SOS2: variants seen among roughly 807,000 people sequenced by gnomAD.
SOS2 encodes son of sevenless homolog 2.
In SOS2, 65 loss-of-function variants were observed where a neutral mutation model predicts 148.2. That is an observed-to-expected ratio of 0.44 (90% CI 0.36 to 0.54). The LOEUF is 0.54. Ranked by LOEUF, SOS2 falls within the 20% of genes least tolerant of loss-of-function variation. The probability of loss-of-function intolerance (pLI) is 0.00; values close to 1 mark genes in which losing one functional copy is unlikely to be tolerated. For synonymous variants in SOS2, 539 were observed against 537.1 expected, an observed-to-expected ratio of 1.00 and a Z score of -0.05; for missense variants, 1,341 against 1,590.2, an observed-to-expected ratio of 0.84 and a Z score of 2.67.
At chr14:50,120,478 C>A in intron 21 of SOS2, 94 bp from the exon 22 acceptor site, 1 of 674,632 alleles carries the variant, frequency 1.5e-6, no homozygotes, top group South Asian at 1.7e-5. Flanking sequence ...TGGCATTTGT[C>A]AGACTGTATC....
At chr14:50,175,297 G>A (rs1273129182) in intron 7 of SOS2, among the ~76,000 whole-genome samples, 1 of 151,852 alleles carries the variant, frequency 6.6e-6, no homozygotes, top group African/African-American at 2.4e-5. Flanking sequence ...TTAATTCTTA[G>A]ACAGATAGAT....
intron 8 of SOS2, among the ~76,000 whole-genome samples, chr14:50,169,987 G>GTTT (rs1826846564): frequency 6.6e-6 from 1 of 151,772 alleles, no homozygotes; most frequent in Non-Finnish European, 1.5e-5. Flanking sequence ...GTGTACTGAC[G>GTTT]TAAACATGGC....
intron 16 of SOS2, among the ~76,000 whole-genome samples, chr14:50,144,816 T>C (rs936909160): frequency 2.8e-4 from 43 of 152,310 alleles, no homozygotes; most frequent in African/African-American, 9.6e-4. Context: ...ATTACTTGTA[T>C]TTTTATATTT....
At chr14:50,202,325 T>A (rs532242177) in intron 2 of SOS2, among the ~76,000 whole-genome samples, 6 of 152,342 alleles carry the variant, frequency 3.9e-5, no homozygotes, top group African/African-American at 1.2e-4. Flanking sequence ...ACTACTGAGA[T>A]CTGAATTAAA....
chr14:50,177,804 T>C (rs1301323385), intron 7 of SOS2, among the ~76,000 whole-genome samples: 1 of 152,140 alleles, frequency 6.6e-6, no homozygotes, highest in Non-Finnish European at 1.5e-5. Flanking sequence ...GAGAAGATGG[T>C]AAGTTCAGTT....
chr14:50,204,508 C>T, intron 1 of SOS2, 99 bp from the exon 2 acceptor site: 7 of 705,304 alleles, frequency 9.9e-6, no homozygotes, highest in Non-Finnish European at 1.6e-5. Context: ...ATAATGGTTA[C>T]TCAAAACAGA....
intron 1 of SOS2, among the ~76,000 whole-genome samples, chr14:50,217,160 T>C (rs961085453): frequency 6.6e-6 from 1 of 152,134 alleles, no homozygotes; most frequent in African/African-American, 2.4e-5. Context: ...CACACATATA[T>C]GGGCAACTGA....
intron 9 of SOS2, among the ~76,000 whole-genome samples, chr14:50,160,377 A>ATTTT (rs1884958226): frequency 9.0e-6 from 1 of 111,256 alleles, no homozygotes; most frequent in South Asian, 3.2e-4. Flanking sequence ...AACAATGCTA[A>ATTTT]TCTTTTTTTT....
rs898438131 is a variant in SOS2, at chr14:50,180,800, G to A, written c.859-118C>T. 59 of 574,666 alleles carry A rather than the reference G, an allele frequency of 1.0e-4. No individual in the cohort carries two copies. In the African/African-American group the frequency reaches 1.1e-3, roughly 11 times the overall value. The allele number at this position is 574,666 out of a possible 1,614,324, so 35.6% of individuals were successfully genotyped here. On this transcript the variant is annotated intron_variant, in intron 6 of 22. Transcript: ENST00000216373. The stretch of plus-strand genomic sequence containing the variant: ...CGAGGTTACAGTGAGCTATGATTGT[G>A]CCACTATATTCCAGCTCGAGCAACA...
At chr14:50,199,376 C>T (rs1055498204) in intron 4 of SOS2, among the ~76,000 whole-genome samples, 3 of 152,158 alleles carry the variant, frequency 2.0e-5, no homozygotes, top group Non-Finnish European at 4.4e-5. Context: ...ATTACTTACA[C>T]TTAAAAGTAC....
At chr14:50,133,157 G>GTTTATGTT (rs1883945017) in intron 19 of SOS2, among the ~76,000 whole-genome samples, 1 of 147,812 alleles carries the variant, frequency 6.8e-6, no homozygotes, top group Non-Finnish European at 1.5e-5. Context: ...GGGAAATAAA[G>GTTTATGTT]TTTATGTTTT....
Position 50,231,328 on chromosome 14 carries a change from G to A in SOS2, c.-45C>T, listed in dbSNP as rs1231633759. Reference sequence around the variant, plus strand: ...CCGCATCGGGGGCAGCCCGCGGGCCGGGCCGGTGGCCTGACAGGCAGGGCG... The same window carrying A: ...CCGCATCGGGGGCAGCCCGCGGGCCAGGCCGGTGGCCTGACAGGCAGGGCG... On this transcript the variant is annotated 5_prime_UTR_variant, in exon 1 of 23. Transcript: ENST00000216373. The A allele has an allele frequency of 1.1e-5, 12 of 1,127,294 alleles. No homozygotes were observed. The highest frequency in any genetic ancestry group is 2.7e-5 in the South Asian group (1 of 37,684). 69.8% of individuals were successfully genotyped at this position (1,127,294 alleles called of 1,614,324 possible). A position where few individuals can be genotyped will look rare whatever the true frequency, so the allele number is the denominator to read the frequency against.
At chr14:50,160,912 G>A (rs12890933) in intron 9 of SOS2, among the ~76,000 whole-genome samples, 1 of 152,264 alleles carries the variant, frequency 6.6e-6, no homozygotes, top group Non-Finnish European at 1.5e-5. Context: ...CCAGAGGGTT[G>A]AGGCAGGAGG....
chr14:50,173,978 T>C (rs934800564), intron 8 of SOS2, among the ~76,000 whole-genome samples: 2 of 152,126 alleles, frequency 1.3e-5, no homozygotes, highest in African/African-American at 4.8e-5. Flanking sequence ...AAAAAAATTT[T>C]CCCCTACCTA....
At chr14:50,180,320 C>T (rs1418974757) in intron 7 of SOS2, among the ~76,000 whole-genome samples, 1 of 144,916 alleles carries the variant, frequency 6.9e-6, no homozygotes, top group Non-Finnish European at 1.5e-5. Flanking sequence ...ATCTTTATAC[C>T]CCAGATCTAG....
At chr14:50,143,515 G>A (rs1884365346) in intron 16 of SOS2, among the ~76,000 whole-genome samples, 1 of 151,942 alleles carries the variant, frequency 6.6e-6, no homozygotes, top group Non-Finnish European at 1.5e-5. Context: ...TTGGCTCACT[G>A]CAACCTCCAC....
In SOS2 at chr14:50,159,622, G is replaced by A. The variant is rs763829729; in HGVS notation, c.1661C>T (p.Ser554Leu). The A allele has an allele frequency of 1.2e-6, 2 of 1,613,474 alleles. No homozygotes were observed. Among genetic ancestry groups the A allele is most frequent in the South Asian group, 1.1e-5 (1 of 91,050 alleles). Residue 554 changes from serine to leucine, a missense_variant, in exon 10 of 23, where the codon TCA (serine) becomes TTA (leucine). By Grantham distance (145) the Ser-to-Leu change is moderately radical (BLOSUM62 -2). Transcript: ENST00000216373. ...YRSTLDRMLD[S>L]VLLKEENEQP... ...CTCATTTTCTTCTTTCAATAATACT[G>A]AATCTAACATTCGATCTAGAGTACT...
At chr14:50,229,534 C>T (rs1259774518) in intron 1 of SOS2, among the ~76,000 whole-genome samples, 1 of 149,448 alleles carries the variant, frequency 6.7e-6, no homozygotes, top group East Asian at 1.9e-4. Context: ...GGGTCTGGTG[C>T]GAGGTGGTTT....
rs1885007609 is a variant in SOS2, at chr14:50,161,488, C to T, written c.1190G>A (p.Arg397Gln). Residue 397 changes from arginine to glutamine, a missense_variant, in exon 9 of 23, where the codon CGA becomes CAA. By Grantham distance (43) the Arg-to-Gln change is conservative (BLOSUM62 1). Around this residue, in one of 4 missense-constraint regions of SOS2, gnomAD observed 574 missense variants for 711.1 expected, o/e 0.81. Transcript: ENST00000216373. ...RIYKQYSPRR[R>Q]PGDPVCPFYS... ...TTCAACACTTTGGAATTACCCAGGT[C>T]GACGTCTAGGTGAATACTGCTTGTA... 1.9e-6 allele frequency: 3 copies of T among 1,610,710 alleles called. No homozygotes were observed. Among genetic ancestry groups the T allele is most frequent in the Middle Eastern group, 1.7e-4 (1 of 6,046 alleles).
Sources: allele counts gnomAD v4.1 joint callset (sites outside exome capture counted in the v4.1 genomes callset), GRCh38; gene constraint gnomAD v4.1.1; regional missense constraint gnomAD v4.1.1; transcripts MANE v1.5; gene names NCBI Gene and HGNC (gene_info 2026-07-23, HGNC 2026-07-21).